Variants in NFIX observed in about 807,000 individuals in gnomAD.
NFIX encodes nuclear factor I X, also known as nuclear factor 1 X-type.
NFIX carries 2 observed loss-of-function variants against 53.3 expected under a neutral mutation model. The observed-to-expected ratio is 0.04, with a 90% CI of 0.02 to 0.12. The LOEUF (loss-of-function observed/expected upper bound fraction) is 0.12, where lower values mean the gene tolerates loss of function less well. Ranked by LOEUF, NFIX falls within the 10% of genes least tolerant of loss-of-function variation. The pLI, the probability that NFIX is intolerant of heterozygous loss-of-function variation, is 1.00. For missense variants in NFIX, 310 were observed against 674.5 expected (o/e 0.46, Z 5.99); for synonymous variants, 244 against 289.0 (o/e 0.84, Z 1.58).
At position 13,006,051 on chromosome 19, in the gene NFIX, G is replaced by A. The variant is rs2011996908; in HGVS notation, c.27+10187G>A. Among the ~76,000 whole-genome samples the A allele has an allele frequency of 6.6e-6, 1 of 152,206 alleles. No individual in the cohort carries two copies. The highest frequency in any genetic ancestry group is 1.5e-5 in the Non-Finnish European group (1 of 68,048). On this transcript the variant is annotated intron_variant, in intron 1 of 10. Transcript: ENST00000592199. The surrounding 1 kb of genome is among the most constrained non-coding windows in gnomAD (Gnocchi z 5.6). ...CTCTGTTTTAGGCCCCGGGGGCTCG[G>A]CAGGGAGCAAAATCTGCAAAGATGC...
In NFIX at chr19:13,093,717, G is replaced by A. The variant is rs770999329; in HGVS notation, c.1495-918G>A. 1.3e-5 allele frequency among the ~76,000 whole-genome samples: 2 copies of A among 152,226 alleles called. No homozygotes were observed. The highest frequency in any genetic ancestry group is 2.9e-5 in the Non-Finnish European group (2 of 68,032). ...CAGACCAGAGTCTGTGACAGCCTGG[G>A]AGAGGTCCCAAGATGCATTTTCAGG... On this transcript the variant is annotated intron_variant, in intron 10 of 10. Coordinates refer to ENST00000592199, the MANE Select transcript of NFIX (RefSeq NM_001365902.3). The surrounding 1 kb of genome is among the most constrained non-coding windows in gnomAD (Gnocchi z 4.7).
At chr19:13,062,045 C>T (rs147740429) in intron 2 of NFIX, among the ~76,000 whole-genome samples, 37 of 152,252 alleles carry the variant, frequency 2.4e-4, no homozygotes, top group African/African-American at 7.0e-4. Flanking sequence ...CCAGATTCCT[C>T]GTATTTCCTC....
At position 13,022,345 on chromosome 19, in the gene NFIX, C is replaced by T. The variant is rs921772858; in HGVS notation, c.28-2676C>T. On this transcript the variant is annotated intron_variant, in intron 1 of 10. Coordinates refer to ENST00000592199, the MANE Select transcript of NFIX (RefSeq NM_001365902.3). The surrounding 1 kb of genome is among the most constrained non-coding windows in gnomAD (Gnocchi z 4.5). ...AGGAGGAGGCTGAGCTTGCTGGGGG[C>T]TGGGGGAGAAGGGAGGGACGTGTGG... 6.6e-6 allele frequency among the ~76,000 whole-genome samples: 1 copy of T among 151,994 alleles called. No homozygotes were observed. The highest frequency in any genetic ancestry group is 2.4e-5 in the African/African-American group (1 of 41,376).
chr19:12,996,597 C>G lies in NFIX; in HGVS notation c.27+733C>G, dbSNP rs903897246. Among the ~76,000 whole-genome samples the G allele has an allele frequency of 6.6e-6, 1 of 152,184 alleles. No individual in the cohort carries two copies. Among genetic ancestry groups the G allele is most frequent in the Non-Finnish European group, 1.5e-5 (1 of 68,000 alleles). On this transcript the variant is annotated intron_variant, in intron 1 of 10. Transcript: ENST00000592199. The surrounding 1 kb of genome is among the most constrained non-coding windows in gnomAD (Gnocchi z 5.2). ...CCCCGGACGTCGCAGCCTCTGCCCCCCCACCCCCAAACTTTCCTCGGCGCA... is the reference window on the plus strand; with the variant it reads ...CCCCGGACGTCGCAGCCTCTGCCCCGCCACCCCCAAACTTTCCTCGGCGCA...
chr19:13,085,016 G>C (rs1310712664), intron 8 of NFIX, among the ~76,000 whole-genome samples: 1 of 149,294 alleles, frequency 6.7e-6, no homozygotes, highest in Non-Finnish European at 1.5e-5. Flanking sequence ...GTTGCAGTGA[G>C]CCGAGATTGC....
intron 1 of NFIX, among the ~76,000 whole-genome samples, chr19:13,017,460 G>A (rs114086012): frequency 6.6e-6 from 1 of 152,338 alleles, no homozygotes; most frequent in African/African-American, 2.4e-5. Context: ...CCTCAGGACC[G>A]AGGGGTGCCA....
rs765993747 is a variant in NFIX at position 13,094,745 on chromosome 19, C to T, written c.*96C>T. On this transcript the variant is annotated 3_prime_UTR_variant, in exon 11 of 11. Transcript: ENST00000592199. The surrounding 1 kb of genome is among the most constrained non-coding windows in gnomAD (Gnocchi z 4.3). ...AATGGAAAAATCCCCCAGCCCAGCC[C>T]AGCCCCACCGAAAAGCAAAAATTAC... 18 of 1,361,438 alleles carry T rather than the reference C, an allele frequency of 1.3e-5. No homozygotes were observed. Among genetic ancestry groups the T allele is most frequent in the Non-Finnish European group, 1.8e-5 (18 of 993,260 alleles). The allele number at this position is 1,361,438 out of a possible 1,614,324, so 84.3% of individuals were successfully genotyped here.
chr19:13,056,189 CA>C (rs764746924), intron 2 of NFIX, among the ~76,000 whole-genome samples: 5 of 152,210 alleles, frequency 3.3e-5, no homozygotes, highest in Admixed American at 6.5e-5. Context: ...AGCAGGCGGG[CA>C]GGGGGAGGAG....
chr19:13,043,084 T>C lies in NFIX; in HGVS notation c.559+17532T>C, dbSNP rs2014749174. Among the ~76,000 whole-genome samples, 1 of 152,220 alleles carries C rather than the reference T, an allele frequency of 6.6e-6. No homozygotes were observed. The highest frequency in any genetic ancestry group is 2.1e-4 in the South Asian group (1 of 4,832). Reference sequence around the variant, plus strand: ...AGGATGCACTTTTACAAGTCAAGTCTCCCATCCCTGTCATAGGTGTATGTC... The same window carrying C: ...AGGATGCACTTTTACAAGTCAAGTCCCCCATCCCTGTCATAGGTGTATGTC... On this transcript the variant is annotated intron_variant, in intron 2 of 10. Coordinates refer to ENST00000592199, the MANE Select transcript of NFIX (RefSeq NM_001365902.3). The surrounding 1 kb of genome is among the most constrained non-coding windows in gnomAD (Gnocchi z 4.0).
In NFIX at chr19:13,068,455, G is replaced by T. The variant is rs2016566000; in HGVS notation, c.560-4592G>T. Among the ~76,000 whole-genome samples the T allele has an allele frequency of 6.6e-6, 1 of 152,216 alleles. No individual in the cohort carries two copies. Among genetic ancestry groups the T allele is most frequent in the African/African-American group, 2.4e-5 (1 of 41,448 alleles). On this transcript the variant is annotated intron_variant, in intron 2 of 10. Coordinates refer to ENST00000592199, the MANE Select transcript of NFIX (RefSeq NM_001365902.3). This position sits in a 1 kb window ranked among gnomAD's most constrained non-coding sequence, Gnocchi z 4.2. ...GGGGAGCTGGTGTGGGTGTGAGAAG[G>T]GCAATTTTGCAGGAGAACTTTGTGG...
intron 1 of NFIX, among the ~76,000 whole-genome samples, chr19:13,023,245 C>T (rs1464097402): frequency 6.6e-6 from 1 of 151,682 alleles, no homozygotes; most frequent in Non-Finnish European, 1.5e-5. Flanking sequence ...AGTGCGCACA[C>T]ACACGCGCAC....
Position 13,052,950 on chromosome 19 carries a change from C to T in NFIX, c.560-20097C>T, listed in dbSNP as rs941183511. Among the ~76,000 whole-genome samples, 1 of 152,246 alleles carries T rather than the reference C, an allele frequency of 6.6e-6. No homozygotes were observed. The highest frequency in any genetic ancestry group is 2.4e-5 in the African/African-American group (1 of 41,464). Reference sequence around the variant, plus strand: ...GGAAATCCAGACAGAAACCTGCCTTCTCCTCCATCCCCACTTGAAGCTGCT... The same window carrying T: ...GGAAATCCAGACAGAAACCTGCCTTTTCCTCCATCCCCACTTGAAGCTGCT... On this transcript the variant is annotated intron_variant, in intron 2 of 10. Coordinates refer to ENST00000592199, the MANE Select transcript of NFIX (RefSeq NM_001365902.3). This position sits in a 1 kb window ranked among gnomAD's most constrained non-coding sequence, Gnocchi z 5.2.
chr19:13,063,779 A>G (rs954788435), intron 2 of NFIX, among the ~76,000 whole-genome samples: 7 of 152,116 alleles, frequency 4.6e-5, no homozygotes, highest in African/African-American at 1.7e-4. Context: ...AGTGGCCTGC[A>G]GAGCCTCCGC....
At chr19:13,020,118 T>A (rs1393092302) in intron 1 of NFIX, among the ~76,000 whole-genome samples, 2 of 152,228 alleles carry the variant, frequency 1.3e-5, no homozygotes, top group Non-Finnish European at 2.9e-5. Context: ...GTCTTGATTC[T>A]GGTCTTTGGT....
chr19:13,053,020 G>A (rs906874565), intron 2 of NFIX, among the ~76,000 whole-genome samples: 1 of 152,202 alleles, frequency 6.6e-6, no homozygotes, highest in African/African-American at 2.4e-5. Context: ...CCTTCCTTCC[G>A]TGTGGCCCCA....
Position 13,068,482 on chromosome 19 carries a change from TGTTCCAGAG to T in NFIX, c.560-4561_560-4553del, listed in dbSNP as rs2016567280. Among the ~76,000 whole-genome samples the T allele has an allele frequency of 1.3e-5, 2 of 152,204 alleles. No homozygotes were observed. Among genetic ancestry groups the T allele is most frequent in the Admixed American group, 6.5e-5 (1 of 15,288 alleles). On this transcript the variant is annotated intron_variant, in intron 2 of 10. Transcript: ENST00000592199. The surrounding 1 kb of genome is among the most constrained non-coding windows in gnomAD (Gnocchi z 4.2). ...CAATTTTGCAGGAGAACTTTGTGGC[TGTTCCAGAG>T]GTTACTGAGGGGCCCCCAAGGAAGA... is the stretch of plus-strand genomic sequence containing the variant.
rs2012208333 is a variant in NFIX, at chr19:13,009,430, T to C, written c.27+13566T>C. ...GCCGCAAGGTCAAGTGCCAAGGTCA[T>C]GGGGCTAGAAGCAGGGTGGTGGGGA... On this transcript the variant is annotated intron_variant, in intron 1 of 10. Coordinates refer to ENST00000592199, the MANE Select transcript of NFIX (RefSeq NM_001365902.3). The surrounding 1 kb of genome is among the most constrained non-coding windows in gnomAD (Gnocchi z 4.7). Among the ~76,000 whole-genome samples, 1 of 152,166 alleles carries C rather than the reference T, an allele frequency of 6.6e-6. No homozygotes were observed. The highest frequency in any genetic ancestry group is 1.5e-5 in the Non-Finnish European group (1 of 68,028).
Position 13,043,670 on chromosome 19 carries a change from A to G in NFIX, c.559+18118A>G, listed in dbSNP as rs1481393417. Among the ~76,000 whole-genome samples the G allele has an allele frequency of 6.6e-6, 1 of 152,176 alleles. No individual in the cohort carries two copies. The highest frequency in any genetic ancestry group is 1.5e-5 in the Non-Finnish European group (1 of 68,028). On this transcript the variant is annotated intron_variant, in intron 2 of 10. Coordinates refer to ENST00000592199, the MANE Select transcript of NFIX (RefSeq NM_001365902.3). This position sits in a 1 kb window ranked among gnomAD's most constrained non-coding sequence, Gnocchi z 4.0. ...ACCCCCTCTCTCACCCTTGCATCCC[A>G]GACAGTGTCCCCCAGGGCCATGCAG...
chr19:13,024,589 A>T (rs1057412808), intron 1 of NFIX: 36 of 1,536,068 alleles, frequency 2.3e-5, no homozygotes, highest in Non-Finnish European at 3.1e-5. Flanking sequence ...GCAGACGGAC[A>T]CTGTGCCGGG....
Sources: allele counts gnomAD v4.1 joint callset (sites outside exome capture counted in the v4.1 genomes callset), GRCh38; gene constraint gnomAD v4.1.1; non-coding constraint Gnocchi (gnomAD v3.1); transcripts MANE v1.5; gene names NCBI Gene and HGNC (gene_info 2026-07-23, HGNC 2026-07-21).